DLGAP2: variants seen among roughly 807,000 people sequenced by gnomAD.
The protein encoded by DLGAP2 is disks large-associated protein 2.
Under a neutral mutation model 100.3 loss-of-function variants are expected in DLGAP2, and 26 were observed. That is an observed-to-expected ratio of 0.26 (90% confidence interval 0.19 to 0.36). The LOEUF (loss-of-function observed/expected upper bound fraction) is 0.36, where lower values mean the gene tolerates loss of function less well. Ranked by LOEUF, DLGAP2 falls within the 10% of genes least tolerant of loss-of-function variation. DLGAP2 has a pLI of 1.00. For missense variants in DLGAP2, 1,858 were observed against 1,453.2 expected, an observed-to-expected ratio of 1.28 and a Z score of -4.53; for synonymous variants, 886 against 630.1, an observed-to-expected ratio of 1.41 and a Z score of -6.08.
chr8:1,226,831 A>C (rs1798425880), intron 2 of DLGAP2, among the ~76,000 whole-genome samples: 1 of 152,084 alleles, frequency 6.6e-6, no homozygotes, highest in Admixed American at 6.5e-5. Flanking sequence ...CCTCATGCCC[A>C]CCAAATAGCA....
intron 2 of DLGAP2, among the ~76,000 whole-genome samples, chr8:1,196,479 C>T (rs1002892223): frequency 6.6e-6 from 1 of 152,152 alleles, no homozygotes; most frequent in Non-Finnish European, 1.5e-5. Flanking sequence ...AATATTCGTG[C>T]TTTCCTCACG....
chr8:1,641,470 C>G (rs1241054690), intron 8 of DLGAP2, among the ~76,000 whole-genome samples: 1 of 152,196 alleles, frequency 6.6e-6, no homozygotes, highest in East Asian at 1.9e-4. Flanking sequence ...CAAGATGAAG[C>G]TGTCATTGAA....
At chr8:1,373,244 C>G (rs1802291182) in intron 3 of DLGAP2, among the ~76,000 whole-genome samples, 1 of 146,838 alleles carries the variant, frequency 6.8e-6, no homozygotes. Flanking sequence ...AGCCACGCCC[C>G]TCGGGGGGAG....
rs1199844369 is a variant in DLGAP2 at position 1,684,141 on chromosome 8, C to T, written c.2704+5512C>T. ...GGATTACAGCTGAATGCCCCTACACCCGGCTAATTTTTAATCAGAAAATGT... is the reference window on the plus strand; with the variant it reads ...GGATTACAGCTGAATGCCCCTACACTCGGCTAATTTTTAATCAGAAAATGT... On this transcript the variant is annotated intron_variant, in intron 12 of 14. Transcript: ENST00000637795. 1.3e-5 allele frequency among the ~76,000 whole-genome samples: 2 copies of T among 149,326 alleles called. 1 individual carries two copies. Among genetic ancestry groups the T allele is most frequent in the African/African-American group, 4.9e-5 (2 of 40,778 alleles).
At chr8:1,114,431 G>A (rs1178368191) in intron 2 of DLGAP2, among the ~76,000 whole-genome samples, 3 of 152,120 alleles carry the variant, frequency 2.0e-5, no homozygotes, top group Non-Finnish European at 4.4e-5. Flanking sequence ...TCTTGGGAGG[G>A]TGTAAGTGTC....
intron 2 of DLGAP2, among the ~76,000 whole-genome samples, chr8:1,046,329 A>G (rs968483737): frequency 1.3e-5 from 2 of 152,200 alleles, no homozygotes; most frequent in Non-Finnish European, 2.9e-5. Context: ...ACCGAGGGCC[A>G]TGCTTCACTT....
intron 2 of DLGAP2, among the ~76,000 whole-genome samples, chr8:1,247,750 G>C (rs1240076169): frequency 2.0e-4 from 1 of 5,016 alleles, no homozygotes; most frequent in Admixed American, 1.3e-3. Context: ...AGACCTTTGA[G>C]ATCAGTGTGG....
At chr8:831,520 C>T (rs188069561) in intron 1 of DLGAP2, among the ~76,000 whole-genome samples, 1 of 152,130 alleles carries the variant, frequency 6.6e-6, no homozygotes, top group East Asian at 1.9e-4. Flanking sequence ...CCAGCTTCAT[C>T]CATGTCCCTG....
In DLGAP2 at chr8:1,470,235, C is replaced by T. The variant is rs141248298; in HGVS notation, c.107-31131C>T. Among the ~76,000 whole-genome samples, 343 of 152,206 alleles carry T rather than the reference C, an allele frequency of 2.3e-3. 6 individuals are homozygous for T. In the Middle Eastern group the frequency reaches 0.071, roughly 32 times the overall value. On this transcript the variant is annotated intron_variant, in intron 3 of 14. Coordinates refer to ENST00000637795, the MANE Select transcript of DLGAP2 (RefSeq NM_001346810.2). ...CCATGGATGCTTCACTCCGCTGTCT[C>T]GCTGGACGTCTACACTGTCGCCTGT...
At chr8:1,430,001 TATATAC>T (rs199803310) in intron 3 of DLGAP2, among the ~76,000 whole-genome samples, 1,197 of 68,746 alleles carry the variant, frequency 0.017, 180 homozygotes, top group African/African-American at 0.071. Flanking sequence ...GAGATGCATA[TATATAC>T]ATATATATAT....
At chr8:1,502,185 T>C (rs973489307) in intron 4 of DLGAP2, among the ~76,000 whole-genome samples, 3 of 152,220 alleles carry the variant, frequency 2.0e-5, no homozygotes, top group African/African-American at 7.2e-5. Flanking sequence ...CTGTCTGTGG[T>C]TATTCTCTAA....
chr8:1,536,533 A>C (rs1276491499), intron 4 of DLGAP2, among the ~76,000 whole-genome samples: 1 of 152,176 alleles, frequency 6.6e-6, no homozygotes, highest in Non-Finnish European at 1.5e-5. Flanking sequence ...CCTTGATCTG[A>C]AAGCATTTTG....
intron 2 of DLGAP2, among the ~76,000 whole-genome samples, chr8:1,022,708 G>T (rs959146721): frequency 6.6e-6 from 1 of 150,472 alleles, no homozygotes; most frequent in Non-Finnish European, 1.5e-5. Context: ...CCCTCCCTGG[G>T]GGTGGACAGT....
At chr8:1,203,042 C>T (rs1192893817) in intron 2 of DLGAP2, among the ~76,000 whole-genome samples, 3 of 152,208 alleles carry the variant, frequency 2.0e-5, no homozygotes, top group Non-Finnish European at 2.9e-5. Flanking sequence ...CCCACATCCA[C>T]GCCGGTTCCG....
chr8:1,315,370 C>A (rs1317616979), intron 3 of DLGAP2, among the ~76,000 whole-genome samples: 3 of 142,332 alleles, frequency 2.1e-5, no homozygotes, highest in Non-Finnish European at 4.5e-5. Flanking sequence ...TATGCGAGTG[C>A]AGCGTCTCTC....
chr8:1,367,305 T>A (rs922759992), intron 3 of DLGAP2, among the ~76,000 whole-genome samples: 1 of 152,258 alleles, frequency 6.6e-6, no homozygotes, highest in Non-Finnish European at 1.5e-5. Flanking sequence ...TAGGAATTGA[T>A]GCCTGAAGAT....
chr8:739,994 C>T (rs528279080), intron 1 of DLGAP2: 1 of 152,306 alleles, frequency 6.6e-6, no homozygotes, highest in East Asian at 1.9e-4. Flanking sequence ...TCAGTGATGA[C>T]CTGGGACGCA....
chr8:1,184,782 G>T (rs1348660098), intron 2 of DLGAP2, among the ~76,000 whole-genome samples: 2 of 152,166 alleles, frequency 1.3e-5, no homozygotes, highest in Non-Finnish European at 1.5e-5. Flanking sequence ...TGACTGGTTG[G>T]TGAATCTGGC....
chr8:1,690,882 G>T (rs1014059925), intron 12 of DLGAP2, among the ~76,000 whole-genome samples: 1 of 152,042 alleles, frequency 6.6e-6, no homozygotes, highest in Admixed American at 6.6e-5. Context: ...GGTGAGTTTA[G>T]TAGCTGTGAG....
Sources: allele counts gnomAD v4.1 joint callset (sites outside exome capture counted in the v4.1 genomes callset), GRCh38; gene constraint gnomAD v4.1.1; transcripts MANE v1.5; gene names NCBI Gene and HGNC (gene_info 2026-07-23, HGNC 2026-07-21).